JMJD1C: variants seen among roughly 807,000 people sequenced by gnomAD.
JMJD1C encodes jumonji domain containing 1C.
JMJD1C carries 31 observed loss-of-function variants against 245.3 expected under a neutral mutation model. The ratio of observed to expected loss-of-function variants is 0.13; its 90% CI spans 0.09 to 0.17. JMJD1C has a LOEUF of 0.17. Ranked by LOEUF, JMJD1C falls within the 10% of genes least tolerant of loss-of-function variation. The pLI is 1.00. For missense variants in JMJD1C, 2,691 were observed against 3,000.2 expected (o/e 0.90, Z 2.41); for synonymous variants, 1,057 against 1,017.4 (o/e 1.04, Z -0.74).
chr10:63,280,965 T>C (rs1857309278), intron 2 of JMJD1C, among the ~76,000 whole-genome samples: 1 of 151,346 alleles, frequency 6.6e-6, no homozygotes, highest in Non-Finnish European at 1.5e-5. Context: ...TCTTTTTCTT[T>C]TTTTTTTTTT....
intron 23 of JMJD1C, 170 bp from the exon 24 acceptor site, chr10:63,176,643 G>C: frequency 1.7e-6 from 1 of 602,072 alleles, no homozygotes; most frequent in South Asian, 2.2e-5. Flanking sequence ...AATTTGGAAA[G>C]CCAAAGAATA....
chr10:63,455,470 T>C (rs1480420677), intron 1 of JMJD1C, among the ~76,000 whole-genome samples: 1 of 152,216 alleles, frequency 6.6e-6, no homozygotes, highest in Non-Finnish European at 1.5e-5. Flanking sequence ...TACAGTTACA[T>C]ATCTCAATAT....
chr10:63,224,799 C>T (rs1849043476), intron 3 of JMJD1C, among the ~76,000 whole-genome samples: 1 of 152,112 alleles, frequency 6.6e-6, no homozygotes. Flanking sequence ...TGCGATGGCT[C>T]ACACTTATAA....
intron 1 of JMJD1C, among the ~76,000 whole-genome samples, chr10:63,435,583 G>C (rs922474136): frequency 6.6e-6 from 1 of 152,072 alleles, no homozygotes; most frequent in Non-Finnish European, 1.5e-5. Flanking sequence ...AGTGACTCCT[G>C]AATTCCAGTT....
chr10:63,432,235 A>C (rs377526375), intron 1 of JMJD1C, among the ~76,000 whole-genome samples: 2 of 152,334 alleles, frequency 1.3e-5, no homozygotes, highest in African/African-American at 4.8e-5. Flanking sequence ...AAGCATGATA[A>C]ATGTGCCTGC....
At chr10:63,169,497 A>T (rs975263444) in intron 24 of JMJD1C, among the ~76,000 whole-genome samples, 7 of 152,100 alleles carry the variant, frequency 4.6e-5, no homozygotes, top group Non-Finnish European at 7.4e-5. Context: ...AATTGGGAGG[A>T]GTGAGATGAA....
chr10:63,434,273 A>G (rs1295429935), intron 1 of JMJD1C, among the ~76,000 whole-genome samples: 1 of 152,196 alleles, frequency 6.6e-6, no homozygotes, highest in Admixed American at 6.6e-5. Context: ...ACAACAAAAA[A>G]CCTGGAAAAA....
At chr10:63,355,244 C>T (rs573805189) in intron 2 of JMJD1C, among the ~76,000 whole-genome samples, 1 of 152,154 alleles carries the variant, frequency 6.6e-6, no homozygotes, top group African/African-American at 2.4e-5. Context: ...GAGGACCCAT[C>T]ACCTGGTTTC....
intron 1 of JMJD1C, among the ~76,000 whole-genome samples, chr10:63,450,803 T>C (rs1439400185): frequency 6.6e-6 from 1 of 152,058 alleles, no homozygotes; most frequent in African/African-American, 2.4e-5. Context: ...CAACGCAGCA[T>C]TGGACTAGTC....
intron 1 of JMJD1C, among the ~76,000 whole-genome samples, chr10:63,464,365 G>C (rs188067657): frequency 2.5e-4 from 38 of 152,032 alleles, no homozygotes; most frequent in African/African-American, 8.9e-4. Context: ...AAATAGGTAG[G>C]TAAAAAATAT....
chr10:63,449,620 T>C (rs1184960435), intron 1 of JMJD1C, among the ~76,000 whole-genome samples: 1 of 151,992 alleles, frequency 6.6e-6, no homozygotes, highest in East Asian at 1.9e-4. Flanking sequence ...TCAATATACA[T>C]CTAAGTGTCA....
At chr10:63,417,349 T>C (rs1032416411) in intron 1 of JMJD1C, among the ~76,000 whole-genome samples, 8 of 152,172 alleles carry the variant, frequency 5.3e-5, no homozygotes, top group African/African-American at 1.9e-4. Context: ...GCTTTTTCCT[T>C]CAAAGTACCA....
chr10:63,282,909 G>A (rs1322652387), intron 2 of JMJD1C, among the ~76,000 whole-genome samples: 1 of 152,152 alleles, frequency 6.6e-6, no homozygotes, highest in Non-Finnish European at 1.5e-5. Context: ...GTAGAGACAG[G>A]GTTTTACCGT....
At chr10:63,197,226 T>G (rs1431713117) in intron 13 of JMJD1C, among the ~76,000 whole-genome samples, 185 bp downstream of exon 13, 1 of 152,086 alleles carries the variant, frequency 6.6e-6, no homozygotes, top group Non-Finnish European at 1.5e-5. Context: ...TAGATGCAAT[T>G]TAATTCTAGA....
At chr10:63,327,470 CAGA>C (rs1941651892) in intron 2 of JMJD1C, among the ~76,000 whole-genome samples, 1 of 152,120 alleles carries the variant, frequency 6.6e-6, no homozygotes, top group Middle Eastern at 3.4e-3. Flanking sequence ...TTAGTGCTGG[CAGA>C]AGAATAAATT....
At chr10:63,256,696 C>A (rs945203411) in intron 3 of JMJD1C, among the ~76,000 whole-genome samples, 9 of 152,212 alleles carry the variant, frequency 5.9e-5, no homozygotes, top group Non-Finnish European at 1.3e-4. Context: ...GGATGCTCAT[C>A]CTACCAAGCC....
chr10:63,482,585 GACATCGCGCC>G, intron 1 of JMJD1C, among the ~76,000 whole-genome samples: 1 of 151,974 alleles, frequency 6.6e-6, no homozygotes, highest in Non-Finnish European at 1.5e-5. Flanking sequence ...GCAGTGAGCT[GACATCGCGCC>G]ACTGCACTCC....
At chr10:63,337,514 AGAAGGGAGGG>A (rs1287241205) in intron 2 of JMJD1C, among the ~76,000 whole-genome samples, 2 of 47,540 alleles carry the variant, frequency 4.2e-5, no homozygotes, top group African/African-American at 1.1e-4. Flanking sequence ...AGAAGGGAGG[AGAAGGGAGGG>A]GAAGGGAGGG....
rs781391383 is a variant in JMJD1C, at chr10:63,200,514, A to G, written c.5238T>C (p.Ala1746=). 1.9e-6 allele frequency: 3 copies of G among 1,613,886 alleles called. No homozygotes were observed. Among genetic ancestry groups the G allele is most frequent in the South Asian group, 2.2e-5 (2 of 91,082 alleles). Residue 1746 remains alanine (A), a synonymous_variant, in exon 11 of 26, where the codon GCT becomes GCC. Coordinates refer to ENST00000399262, the MANE Select transcript of JMJD1C (RefSeq NM_032776.3). ...LIRSKKGEEP[A]HSPVFCRFYY... is the part of the protein sequence containing the mutation. ...AAAATCTACAAAATACTGGTGAGTG[A>G]GCTGGTTCTTCTCCTTTTTTACTGC... is the stretch of plus-strand genomic sequence containing the variant.
Sources: allele counts gnomAD v4.1 joint callset (sites outside exome capture counted in the v4.1 genomes callset), GRCh38; gene constraint gnomAD v4.1.1; transcripts MANE v1.5; gene names NCBI Gene and HGNC (gene_info 2026-07-23, HGNC 2026-07-21).